Variants in NCMAP observed in about 807,000 individuals in gnomAD.
NCMAP encodes the protein non-compact myelin associated protein, also known as noncompact myelin-associated protein.
A neutral mutation model predicts 7.8 loss-of-function variants in NCMAP; 8 were observed. The ratio of observed to expected loss-of-function variants is 1.02; its 90% confidence interval spans 0.60 to 1.84. The LOEUF is 1.84. NCMAP is among the 40% of genes most tolerant of loss of function. NCMAP has a pLI of 0.00. For synonymous variants in NCMAP, 41 were observed against 52.9 expected (o/e 0.78, Z 0.98); for missense variants, 112 against 131.4 (o/e 0.85, Z 0.72).
intron 1 of NCMAP, among the ~76,000 whole-genome samples, chr1:24,571,415 C>A (rs1305832908): frequency 6.7e-6 from 1 of 148,222 alleles, no homozygotes; most frequent in Non-Finnish European, 1.5e-5. Flanking sequence ...GCAGAGGTTG[C>A]TGTGAGTGGA....
intron 1 of NCMAP, among the ~76,000 whole-genome samples, chr1:24,564,966 A>T (rs892556961): frequency 2.0e-5 from 3 of 152,228 alleles, no homozygotes; most frequent in Admixed American, 2.0e-4. Context: ...AAATATTCTT[A>T]GGCAAATAAA....
rs1296243725 is a variant in NCMAP at position 24,604,548 on chromosome 1, C to T, written c.168-1058C>T. Among the ~76,000 whole-genome samples the T allele has an allele frequency of 6.3e-4, 71 of 113,060 alleles. 4 individuals carry two copies. Among genetic ancestry groups the T allele is most frequent in the African/African-American group, 2.3e-3 (61 of 26,712 alleles). The allele number at this position is 113,060 out of a possible 152,430, so 74.2% of individuals were successfully genotyped here. ...CTGAGATTGTGCCACTGCACTTCAG[C>T]CTGGGCAACCAGGGTAAGACTGTCT... is the stretch of plus-strand genomic sequence containing the variant. On this transcript the variant is annotated intron_variant, in intron 3 of 3. Transcript: ENST00000374392.
intron 2 of NCMAP, among the ~76,000 whole-genome samples, chr1:24,599,893 G>T (rs919815120): frequency 7.6e-6 from 1 of 132,366 alleles, no homozygotes; most frequent in African/African-American, 2.9e-5. Flanking sequence ...CCTGGCCATG[G>T]TTCCATTTTT....
chr1:24,556,128 C>G lies in NCMAP; in HGVS notation c.-49C>G, dbSNP rs549943107. 451 of 152,818 alleles carry G rather than the reference C, an allele frequency of 3.0e-3. 3 individuals are homozygous for G. Among genetic ancestry groups the G allele is most frequent in the African/African-American group, 0.01 (428 of 41,536 alleles). The allele number at this position is 152,818 out of a possible 1,614,324, so 9.5% of individuals were successfully genotyped here. ...GCGGCGGGGACCCTGGCTGGGAGCG[C>G]GGCGGTGCCGGCGGGAGGCCGAGCG... On this transcript the variant is annotated 5_prime_UTR_variant, in exon 1 of 4. Transcript: ENST00000374392.
At chr1:24,570,110 A>T (rs893034648) in intron 1 of NCMAP, among the ~76,000 whole-genome samples, 2 of 139,638 alleles carry the variant, frequency 1.4e-5, no homozygotes, top group Non-Finnish European at 3.1e-5. Context: ...ACACCTGGAA[A>T]TTTTTTTTTT....
intron 1 of NCMAP, among the ~76,000 whole-genome samples, chr1:24,583,583 G>A (rs1000685967): frequency 5.3e-5 from 8 of 152,074 alleles, no homozygotes; most frequent in Non-Finnish European, 1.0e-4. Flanking sequence ...AGGTGTGGTG[G>A]CGCACATCTG....
At chr1:24,567,804 G>A (rs913493947) in intron 1 of NCMAP, among the ~76,000 whole-genome samples, 2 of 152,126 alleles carry the variant, frequency 1.3e-5, no homozygotes, top group African/African-American at 4.8e-5. Flanking sequence ...ACAAACCTTG[G>A]GAAAACTCAA....
At chr1:24,558,179 C>A (rs1035700123) in intron 1 of NCMAP, among the ~76,000 whole-genome samples, 4 of 152,186 alleles carry the variant, frequency 2.6e-5, no homozygotes, top group African/African-American at 9.7e-5. Context: ...GCTGGACCCC[C>A]TAAGGGGGCC....
chr1:24,569,258 T>C (rs535124666), intron 1 of NCMAP, among the ~76,000 whole-genome samples: 3,866 of 150,958 alleles, frequency 0.026, 208 homozygotes, highest in African/African-American at 0.092. Flanking sequence ...CCTCCCAAAG[T>C]GCTGGGATTA....
intron 1 of NCMAP, among the ~76,000 whole-genome samples, chr1:24,587,071 A>C (rs1651902563): frequency 6.6e-6 from 1 of 152,212 alleles, no homozygotes; most frequent in Non-Finnish European, 1.5e-5. Flanking sequence ...AAGTTGGCCA[A>C]GGTCACACAG....
At chr1:24,597,649 A>C (rs1652294699) in intron 2 of NCMAP, among the ~76,000 whole-genome samples, 2 of 139,520 alleles carry the variant, frequency 1.4e-5, no homozygotes, top group African/African-American at 2.7e-5. Context: ...GAAAGAAAGA[A>C]AGAAAGAAAG....
intron 1 of NCMAP, among the ~76,000 whole-genome samples, chr1:24,594,050 C>T (rs549865328): frequency 2.8e-4 from 42 of 150,938 alleles, no homozygotes; most frequent in African/African-American, 8.7e-4. Flanking sequence ...CACCACCATG[C>T]CTGGCTAATT....
At chr1:24,561,916 A>C (rs564143777) in intron 1 of NCMAP, among the ~76,000 whole-genome samples, 1 of 152,174 alleles carries the variant, frequency 6.6e-6, no homozygotes, top group South Asian at 2.1e-4. Context: ...GTCTCAAAAA[A>C]AAAAAAAAAG....
At chr1:24,574,211 TG>T (rs1445167785) in intron 1 of NCMAP, among the ~76,000 whole-genome samples, 9 of 150,144 alleles carry the variant, frequency 6.0e-5, no homozygotes, top group Non-Finnish European at 1.3e-4. Flanking sequence ...CTCTGCTTCC[TG>T]GGTTGAAGTG....
intron 1 of NCMAP, among the ~76,000 whole-genome samples, chr1:24,586,733 G>A (rs1025788548): frequency 2.8e-5 from 4 of 143,346 alleles, no homozygotes; most frequent in African/African-American, 1.1e-4. Flanking sequence ...CTGTACTCCA[G>A]CCTGGGTAAC....
At chr1:24,575,246 A>G (rs1289373532) in intron 1 of NCMAP, among the ~76,000 whole-genome samples, 1 of 152,128 alleles carries the variant, frequency 6.6e-6, no homozygotes, top group Non-Finnish European at 1.5e-5. Context: ...TTTAAAATCA[A>G]GCAGGGGAAA....
intron 1 of NCMAP, among the ~76,000 whole-genome samples, chr1:24,559,498 A>G (rs6666631): frequency 0.23 from 34,922 of 151,940 alleles, 4,236 homozygotes; most frequent in African/African-American, 0.28. Context: ...CCAGAGGGGG[A>G]GCTGGCTAGT....
chr1:24,561,502 C>G (rs1356621414), intron 1 of NCMAP, among the ~76,000 whole-genome samples: 2 of 152,104 alleles, frequency 1.3e-5, no homozygotes, highest in Non-Finnish European at 2.9e-5. Context: ...GGCATCATGC[C>G]ACCTGCACCT....
At chr1:24,580,514 G>A (rs1363976806) in intron 1 of NCMAP, among the ~76,000 whole-genome samples, 5 of 152,090 alleles carry the variant, frequency 3.3e-5, no homozygotes, top group African/African-American at 9.7e-5. Context: ...GCAGTGGTGC[G>A]ATCTCAGCTC....
Sources: allele counts gnomAD v4.1 joint callset (sites outside exome capture counted in the v4.1 genomes callset), GRCh38; gene constraint gnomAD v4.1.1; transcripts MANE v1.5; gene names NCBI Gene and HGNC (gene_info 2026-07-23, HGNC 2026-07-21).